Variants in ASTN2 observed in about 807,000 individuals in gnomAD.
The protein encoded by ASTN2 is astrotactin-2.
In ASTN2, 54 loss-of-function variants were observed where a neutral mutation model predicts 139.8. The ratio of observed to expected loss-of-function variants is 0.39; its 90% CI spans 0.31 to 0.48. The LOEUF (loss-of-function observed/expected upper bound fraction) is 0.48, where lower values mean the gene tolerates loss of function less well. Among genes scored for constraint, ASTN2 ranks in the 20% least tolerant of loss-of-function variants. The pLI is 0.95. For synonymous variants in ASTN2, 756 were observed against 719.5 expected (o/e 1.05, Z -0.81); for missense variants, 1,565 against 1,725.1 (o/e 0.91, Z 1.64).
chr9:116,561,468 C>A (rs897864019), intron 19 of ASTN2, among the ~76,000 whole-genome samples: 1 of 152,138 alleles, frequency 6.6e-6, no homozygotes, highest in African/African-American at 2.4e-5. Context: ...TTGGCTGGAT[C>A]ATCAGGTGCC....
chr9:116,502,289 C>A (rs1303351094), intron 19 of ASTN2, among the ~76,000 whole-genome samples: 3 of 151,018 alleles, frequency 2.0e-5, no homozygotes, highest in Non-Finnish European at 3.0e-5. Flanking sequence ...AGGAGACACA[C>A]AACACACAGA....
intron 6 of ASTN2, among the ~76,000 whole-genome samples, chr9:117,017,182 A>C (rs762097490): frequency 6.6e-6 from 1 of 152,080 alleles, no homozygotes; most frequent in Non-Finnish European, 1.5e-5. Context: ...ATTTTTCTTT[A>C]ATCATTTAAA....
At chr9:116,748,188 G>A (rs1247641317) in intron 13 of ASTN2, among the ~76,000 whole-genome samples, 1 of 152,138 alleles carries the variant, frequency 6.6e-6, no homozygotes, top group Non-Finnish European at 1.5e-5. Context: ...TTTTCCAGAT[G>A]CTATAAATGA....
chr9:116,625,641 A>G (rs1393894367), intron 17 of ASTN2, among the ~76,000 whole-genome samples: 2 of 151,004 alleles, frequency 1.3e-5, no homozygotes, highest in Non-Finnish European at 3.0e-5. Flanking sequence ...CACTGATTCA[A>G]CCTCCTTTGT....
At chr9:117,307,334 TAC>T (rs1405449891) in intron 1 of ASTN2, among the ~76,000 whole-genome samples, 1 of 152,224 alleles carries the variant, frequency 6.6e-6, no homozygotes, top group Non-Finnish European at 1.5e-5. Flanking sequence ...ACAATAATGC[TAC>T]AGAGTAGAAG....
At chr9:117,225,158 G>A (rs760368326) in intron 2 of ASTN2, among the ~76,000 whole-genome samples, 3 of 152,002 alleles carry the variant, frequency 2.0e-5, no homozygotes, top group South Asian at 2.1e-4. Context: ...AAGAAAGGAC[G>A]AATAAATCCA....
chr9:116,965,000 T>C (rs548884099), intron 10 of ASTN2, among the ~76,000 whole-genome samples: 10 of 152,292 alleles, frequency 6.6e-5, no homozygotes, highest in South Asian at 2.1e-4. Flanking sequence ...GGTCATGACA[T>C]AGGAAATAGG....
rs575820080 is a variant in ASTN2, at chr9:117,309,214, T to C, written c.443-17701A>G. 3.9e-5 allele frequency among the ~76,000 whole-genome samples: 6 copies of C among 152,368 alleles called. No homozygotes were observed. In the South Asian group the frequency reaches 1.0e-3, roughly 26 times the overall value. On this transcript the variant is annotated intron_variant, in intron 1 of 22. Coordinates refer to ENST00000313400, the MANE Select transcript of ASTN2 (RefSeq NM_001365068.1). ...GAGGTGGCATTCAGACTCCCTCAGC[T>C]GTACTTCTGGGTCCTTGGCCTAAGC...
At chr9:117,139,711 T>C (rs1029492373) in intron 4 of ASTN2, among the ~76,000 whole-genome samples, 1 of 152,188 alleles carries the variant, frequency 6.6e-6, no homozygotes. Flanking sequence ...ACTCTCTGTC[T>C]AGCTAAGGAA....
chr9:116,762,006 T>G (rs1012415161), intron 13 of ASTN2, among the ~76,000 whole-genome samples: 1 of 152,120 alleles, frequency 6.6e-6, no homozygotes, highest in Non-Finnish European at 1.5e-5. Flanking sequence ...TTTAATCAGG[T>G]CTGGTCTGTG....
chr9:116,927,451 T>C (rs77040947), intron 10 of ASTN2, among the ~76,000 whole-genome samples: 18,043 of 152,228 alleles, frequency 0.12, 1,499 homozygotes, highest in East Asian at 0.42. Context: ...TCCTGGCTTT[T>C]GCTGGTGTTG....
chr9:116,731,636 C>T (rs1174669544), intron 14 of ASTN2, among the ~76,000 whole-genome samples: 1 of 152,108 alleles, frequency 6.6e-6, no homozygotes, highest in Non-Finnish European at 1.5e-5. Flanking sequence ...GTTGGCTAGG[C>T]TGGTCTCAAA....
chr9:116,469,098 T>C (rs769941457), intron 20 of ASTN2, among the ~76,000 whole-genome samples: 1 of 152,212 alleles, frequency 6.6e-6, no homozygotes, highest in Non-Finnish European at 1.5e-5. Context: ...GCAGAGACAA[T>C]GTCTCGTTCA....
intron 5 of ASTN2, among the ~76,000 whole-genome samples, chr9:117,058,009 T>A (rs1839112811): frequency 1.3e-5 from 2 of 152,236 alleles, no homozygotes; most frequent in Non-Finnish European, 2.9e-5. Context: ...TATAGTCTAA[T>A]TTCCCAGTTG....
At chr9:117,278,017 C>T (rs991129525) in intron 2 of ASTN2, among the ~76,000 whole-genome samples, 15 of 152,090 alleles carry the variant, frequency 9.9e-5, no homozygotes, top group Non-Finnish European at 2.1e-4. Context: ...AAGCAATTTA[C>T]AGGGGGTAAA....
intron 13 of ASTN2, among the ~76,000 whole-genome samples, chr9:116,771,163 C>A (rs537965924): frequency 3.7e-4 from 56 of 152,306 alleles, no homozygotes; most frequent in African/African-American, 1.2e-3. Flanking sequence ...AGTCTGGCTA[C>A]ATCAGGTACT....
intron 3 of ASTN2, among the ~76,000 whole-genome samples, chr9:117,147,525 G>A (rs1040447234): frequency 4.0e-5 from 6 of 151,732 alleles, no homozygotes; most frequent in East Asian, 1.9e-4. Context: ...CCGATGAAAC[G>A]CATATGGGTT....
At position 117,372,905 on chromosome 9, in the gene ASTN2, C is replaced by A. The variant is rs77662806; in HGVS notation, c.442+41592G>T. Reference sequence around the variant, plus strand: ...CAAAATAAAAACTTGGATTTGGAACCGGAATATTTCTACTTGATTCTCGTG... The same window carrying A: ...CAAAATAAAAACTTGGATTTGGAACAGGAATATTTCTACTTGATTCTCGTG... On this transcript the variant is annotated intron_variant, in intron 1 of 22. Coordinates refer to ENST00000313400, the MANE Select transcript of ASTN2 (RefSeq NM_001365068.1). 5.7e-3 allele frequency among the ~76,000 whole-genome samples: 869 copies of A among 152,090 alleles called. 5 individuals are homozygous for A. The highest frequency in any genetic ancestry group is 0.018 in the African/African-American group (743 of 41,512).
chr9:116,826,864 C>A (rs1313983825), intron 11 of ASTN2, among the ~76,000 whole-genome samples: 1 of 152,212 alleles, frequency 6.6e-6, no homozygotes, highest in African/African-American at 2.4e-5. Context: ...AACTTCACCA[C>A]AATCTCAACT....
Sources: allele counts gnomAD v4.1 joint callset (sites outside exome capture counted in the v4.1 genomes callset), GRCh38; gene constraint gnomAD v4.1.1; transcripts MANE v1.5; gene names NCBI Gene and HGNC (gene_info 2026-07-23, HGNC 2026-07-21).